The following OR6N1 variants were observed in gnomAD, a reference collection of about 807,000 sequenced individuals.
The protein encoded by OR6N1 is olfactory receptor family 6 subfamily N member 1.
For missense variants in OR6N1, 394 were observed against 371.7 expected (o/e 1.06, Z -0.49); for synonymous variants, 170 against 150.7 (o/e 1.13, Z -0.94).
upstream of OR6N1, among the ~76,000 whole-genome samples, chr1:158,773,970 G>T (rs1657491805): frequency 1.3e-5 from 2 of 152,140 alleles, no homozygotes; most frequent in Admixed American, 6.5e-5. Flanking sequence ...TTTGCTGATT[G>T]GCATAGTGCT....
rs1657247373 is a variant in OR6N1 at position 158,765,996 on chromosome 1, G to A, written c.687C>T (p.Pro229=). ...VQIICTVLRI[P]SAAGKRKAIS... is the part of the protein sequence containing the mutation. ...TGGCCTTCCTCTTGCCGGCAGCTGA[G>A]GGAATTCTGAGCACTGTGCAGATGA... is the stretch of plus-strand genomic sequence containing the variant. The change falls in exon 2 of 2, where the codon CCC becomes CCT. Residue 229 remains proline, a synonymous_variant. Transcript: ENST00000641846. 2 of 1,614,212 alleles carry A rather than the reference G, an allele frequency of 1.2e-6. No homozygotes were observed. Among genetic ancestry groups the A allele is most frequent in the Non-Finnish European group, 1.7e-6 (2 of 1,180,026 alleles).
chr1:158,800,936 T>G, the OR6N1 span, among the ~76,000 whole-genome samples: 7 of 152,170 alleles, frequency 4.6e-5, no homozygotes, highest in East Asian at 1.4e-3. Context: ...TTCAGAGAAG[T>G]AGCAACTGGG....
the OR6N1 span, among the ~76,000 whole-genome samples, chr1:158,817,968 TC>T: frequency 8.5e-5 from 13 of 152,324 alleles, no homozygotes; most frequent in South Asian, 2.7e-3. Context: ...CTTTAATAGA[TC>T]CAGGTGTCTC....
the OR6N1 span, among the ~76,000 whole-genome samples, chr1:158,834,805 G>GATGTAGGTAA: frequency 2.0e-5 from 3 of 152,132 alleles, no homozygotes; most frequent in African/African-American, 7.2e-5. Flanking sequence ...TTTTGTATAT[G>GATGTAGGTAA]ATGTAGGTAA....
At chr1:158,793,544 T>A in the OR6N1 span, among the ~76,000 whole-genome samples, 1 of 152,184 alleles carries the variant, frequency 6.6e-6, no homozygotes, top group African/African-American at 2.4e-5. Flanking sequence ...AAAGACTCTA[T>A]GAATTTCTTG....
rs1316447708 is a variant in OR6N1, at chr1:158,766,117, C to T, written c.566G>A (p.Cys189Tyr). ...TAGGACATTTATAGACGTATCAGTG[C>T]AAGCCAAACTCAGCACAGGAGGGAA... ...CDFPPVLSLA[C>Y]TDTSINVLVD... Residue 189 changes from cysteine (C) to tyrosine (Y), a missense_variant, in exon 2 of 2, where the codon TGC becomes TAC. By Grantham distance (194) the Cys-to-Tyr change is radical. Coordinates refer to ENST00000641846, the MANE Select transcript of OR6N1 (RefSeq NM_001005185.2). The T allele has an allele frequency of 6.2e-7, 1 of 1,614,128 alleles. No homozygotes were observed.
chr1:158,802,873 T>C, the OR6N1 span, among the ~76,000 whole-genome samples: 1 of 152,262 alleles, frequency 6.6e-6, no homozygotes, highest in East Asian at 1.9e-4. Flanking sequence ...CTTATATCCA[T>C]ATCCTCAATA....
At chr1:158,802,727 T>A in the OR6N1 span, among the ~76,000 whole-genome samples, 1 of 152,212 alleles carries the variant, frequency 6.6e-6, no homozygotes, top group African/African-American at 2.4e-5. Flanking sequence ...TTGTTCCAAA[T>A]GATTGATGTT....
At chr1:158,770,164 A>T (rs1403523889) in intron 1 of OR6N1, among the ~76,000 whole-genome samples, 1 of 152,206 alleles carries the variant, frequency 6.6e-6, no homozygotes. Context: ...AAGATTGAAT[A>T]TGAGAAGCCA....
intron 1 of OR6N1, 39 bp from the exon 2 acceptor site, chr1:158,766,739 A>C: frequency 7.5e-7 from 1 of 1,338,684 alleles, no homozygotes; most frequent in Non-Finnish European, 1.0e-6. Flanking sequence ...AGAAAGTTGA[A>C]CTATAGGGTT....
At chr1:158,828,300 T>C in the OR6N1 span, among the ~76,000 whole-genome samples, 3 of 152,298 alleles carry the variant, frequency 2.0e-5, no homozygotes, top group African/African-American at 7.2e-5. Context: ...ACAAGGCAAG[T>C]CCCTTCCACC....
the OR6N1 span, among the ~76,000 whole-genome samples, chr1:158,784,331 G>T: frequency 6.6e-6 from 1 of 152,082 alleles, no homozygotes; most frequent in Non-Finnish European, 1.5e-5. Flanking sequence ...GGTAGAGTGC[G>T]ATGTCTTGAT....
chr1:158,769,255 C>T (rs1045838869), intron 1 of OR6N1, among the ~76,000 whole-genome samples: 1 of 152,094 alleles, frequency 6.6e-6, no homozygotes, highest in Non-Finnish European at 1.5e-5. Context: ...CCTTGACCTC[C>T]TGGGCTCAAG....
At chr1:158,795,391 A>C in the OR6N1 span, among the ~76,000 whole-genome samples, 1 of 152,186 alleles carries the variant, frequency 6.6e-6, no homozygotes, top group Non-Finnish European at 1.5e-5. Flanking sequence ...AGGGGCATCC[A>C]GCTTCTGTGC....
the OR6N1 span, among the ~76,000 whole-genome samples, chr1:158,831,862 G>T: frequency 6.6e-6 from 1 of 152,062 alleles, no homozygotes; most frequent in Non-Finnish European, 1.5e-5. Context: ...AGGATGACTT[G>T]GTGACTGGGT....
chr1:158,805,630 G>A, the OR6N1 span, among the ~76,000 whole-genome samples: 1 of 151,946 alleles, frequency 6.6e-6, no homozygotes, highest in African/African-American at 2.4e-5. Context: ...TGAACTTTAT[G>A]TTCTAAAGGA....
the OR6N1 span, among the ~76,000 whole-genome samples, chr1:158,826,325 G>A: frequency 1.7e-4 from 26 of 152,124 alleles, no homozygotes; most frequent in Admixed American, 1.5e-3. Context: ...TATGATTAAA[G>A]ATGGAAACTT....
At chr1:158,837,642 T>C in the OR6N1 span, among the ~76,000 whole-genome samples, 22 of 151,868 alleles carry the variant, frequency 1.4e-4, no homozygotes, top group South Asian at 4.1e-4. Flanking sequence ...CCCCTGTTTT[T>C]AAATTCATTG....
chr1:158,790,405 T>C, the OR6N1 span, among the ~76,000 whole-genome samples: 108 of 150,338 alleles, frequency 7.2e-4, 1 homozygote, highest in African/African-American at 2.6e-3. Flanking sequence ...AGGGAATTTT[T>C]TTTTTTTTTT....
Sources: gnomAD v4.1 joint callset for allele counts (sites outside exome capture counted in the v4.1 genomes callset) on GRCh38, gnomAD v4.1.1 for gene constraint, MANE v1.5 for transcripts, NCBI Gene and HGNC (gene_info 2026-07-23, HGNC 2026-07-21) for gene names.